The following UBA52 variants were observed in gnomAD, a reference collection of about 807,000 sequenced individuals.
UBA52 encodes ubiquitin A-52 residue ribosomal protein fusion product 1.
A neutral mutation model predicts 15.3 loss-of-function variants in UBA52; 1 was observed. The observed-to-expected ratio is 0.07, with a 90% confidence interval of 0.02 to 0.31. UBA52 has a LOEUF of 0.31. Ranked by LOEUF, UBA52 falls within the 10% of genes least tolerant of loss-of-function variation. UBA52 has a pLI of 1.00. For missense variants in UBA52, 87 were observed against 168.0 expected (o/e 0.52, Z 2.66); for synonymous variants, 50 against 58.3 (o/e 0.86, Z 0.65).
In UBA52 at chr19:18,573,657, CT is replaced by C; in HGVS notation, c.104-4del. On this transcript the variant is annotated splice_region_variant and splice_polypyrimidine_tract_variant and intron_variant, in intron 2 of 4. Transcript: ENST00000442744. ...AGCCTCTAACTGAGCCTCCCTCCCC[CT>C]CAGGTATCCCACCTGACCAGCAGCG... The C allele has an allele frequency of 6.2e-7, 1 of 1,613,980 alleles. No individual in the cohort carries two copies. The highest frequency in any genetic ancestry group is 8.5e-7 in the Non-Finnish European group (1 of 1,179,896).
rs1975729663 is a variant in UBA52 at position 18,575,184 on chromosome 19, C to T, written c.*34C>T. 3.7e-6 allele frequency: 6 copies of T among 1,612,962 alleles called. No individual in the cohort carries two copies. Among genetic ancestry groups the T allele is most frequent in the Non-Finnish European group, 5.1e-6 (6 of 1,179,500 alleles). ...TTTCCTTGAAGGGCAGCCTCCTGCC[C>T]AGGCCCCGTGGCCCTGGAGCCTCAA... On this transcript the variant is annotated 3_prime_UTR_variant, in exon 5 of 5. Transcript: ENST00000442744.
the UBA52 span, among the ~76,000 whole-genome samples, chr19:18,566,549 G>C: frequency 8.4e-3 from 1,284 of 152,144 alleles, 20 homozygotes; most frequent in African/African-American, 0.028. Context: ...CCAGCAGTTA[G>C]GGAGGCTGAC....
upstream of UBA52, chr19:18,567,381 C>A: frequency 1.5e-6 from 1 of 650,064 alleles, no homozygotes; most frequent in Non-Finnish European, 2.8e-6. Context: ...GACGGGAGTC[C>A]GTGCCCCGTG....
the UBA52 span, chr19:18,564,767 G>T: frequency 7.5e-7 from 1 of 1,327,258 alleles, no homozygotes; most frequent in Admixed American, 1.8e-5. Flanking sequence ...CCATGCAAAG[G>T]TTGTGAAGCA....
chr19:18,571,578 G>A (rs1975480428), upstream of UBA52, among the ~76,000 whole-genome samples: 1 of 152,250 alleles, frequency 6.6e-6, no homozygotes, highest in African/African-American at 2.4e-5. Flanking sequence ...TCAGCTATTC[G>A]CTGAGGGCCC....
the UBA52 span, among the ~76,000 whole-genome samples, chr19:18,564,104 C>A: frequency 6.6e-6 from 1 of 152,128 alleles, no homozygotes; most frequent in Non-Finnish European, 1.5e-5. Flanking sequence ...CAAGGCTGGT[C>A]TCGAACTCCT....
At chr19:18,573,571 G>A in intron 2 of UBA52, 91 bp from the exon 3 acceptor site, 1 of 1,454,700 alleles carries the variant, frequency 6.9e-7, no homozygotes, top group Non-Finnish European at 9.6e-7. Context: ...GGCCTTTTGA[G>A]AAACTGGGGG....
At chr19:18,564,762 C>T in the UBA52 span, 1 of 1,284,878 alleles carries the variant, frequency 7.8e-7, no homozygotes. Flanking sequence ...ACAGCCCATG[C>T]AAAGGTTGTG....
chr19:18,568,278 A>G (rs1209259738), upstream of UBA52: 2 of 685,434 alleles, frequency 2.9e-6, no homozygotes, highest in Non-Finnish European at 5.1e-6. Flanking sequence ...AAAAAAAAAA[A>G]AAAAAGGGTC....
chr19:18,568,594 G>A (rs536069800), upstream of UBA52: 60 of 1,612,746 alleles, frequency 3.7e-5, no homozygotes, highest in East Asian at 3.3e-4. Context: ...ATCAACGGCC[G>A]CAGCCAGACA....
chr19:18,567,474 A>G (rs1269217164), upstream of UBA52, among the ~76,000 whole-genome samples: 1 of 152,192 alleles, frequency 6.6e-6, no homozygotes, highest in Non-Finnish European at 1.5e-5. Flanking sequence ...AGAACAGAGC[A>G]CGGGCTCATG....
upstream of UBA52, chr19:18,568,303 TG>T: frequency 1.3e-6 from 1 of 792,090 alleles, no homozygotes; most frequent in Non-Finnish European, 2.1e-6. Flanking sequence ...CATACCCCCA[TG>T]GGGTGAGGGC....
chr19:18,571,048 C>T (rs1975461497), upstream of UBA52, among the ~76,000 whole-genome samples: 1 of 151,090 alleles, frequency 6.6e-6, no homozygotes, highest in Non-Finnish European at 1.5e-5. Context: ...CAGTGGCTCA[C>T]GTCTGTAATC....
chr19:18,571,645 G>A (rs1600609666), upstream of UBA52: 1 of 152,314 alleles, frequency 6.6e-6, no homozygotes, highest in Non-Finnish European at 1.5e-5. Context: ...CACGGGGAGA[G>A]GTGCAATCGT....
chr19:18,563,861 T>C, the UBA52 span, among the ~76,000 whole-genome samples: 1 of 151,534 alleles, frequency 6.6e-6, no homozygotes, highest in African/African-American at 2.4e-5. Flanking sequence ...CCTCAAGTGA[T>C]CCACCCTGCC....
the UBA52 span, chr19:18,565,044 G>GGGA: frequency 3.8e-6 from 6 of 1,596,738 alleles, no homozygotes; most frequent in Non-Finnish European, 5.1e-6. Context: ...TGCCACCCCA[G>GGGA]CCCAGCTGAC....
intron 3 of UBA52, among the ~76,000 whole-genome samples, chr19:18,574,215 CAAAAA>C (rs41293565): frequency 1.9e-4 from 27 of 143,828 alleles, no homozygotes; most frequent in African/African-American, 6.6e-4. Flanking sequence ...ACTCGGGAGA[CAAAAA>C]AAAAAAGTCA....
intron 3 of UBA52, among the ~76,000 whole-genome samples, chr19:18,574,454 A>G (rs548961154): frequency 6.6e-6 from 1 of 151,748 alleles, no homozygotes; most frequent in East Asian, 2.0e-4. Context: ...ACGCCCAGCT[A>G]ATTTTTTTTG....
intron 1 of UBA52, chr19:18,572,893 CCTGG>C: frequency 9.2e-7 from 1 of 1,083,114 alleles, no homozygotes; most frequent in Non-Finnish European, 1.1e-6. Flanking sequence ...CAGATCAGGA[CCTGG>C]CTGCCGTGGA....
Sources: allele counts gnomAD v4.1 joint callset (sites outside exome capture counted in the v4.1 genomes callset), GRCh38; gene constraint gnomAD v4.1.1; transcripts MANE v1.5; gene names NCBI Gene and HGNC (gene_info 2026-07-23, HGNC 2026-07-21).